Variants in MRPL48 observed in about 807,000 individuals in gnomAD.
MRPL48 encodes large ribosomal subunit protein mL48.
In MRPL48, 16 loss-of-function variants were observed where a neutral mutation model predicts 32.9. The observed-to-expected ratio is 0.49, with a 90% CI of 0.33 to 0.74. MRPL48 has a LOEUF of 0.74. Among genes scored for constraint, MRPL48 ranks in the 30% least tolerant of loss-of-function variants. The pLI is 0.02. For synonymous variants in MRPL48, 94 were observed against 89.2 expected, an observed-to-expected ratio of 1.05 and a Z score of -0.31; for missense variants, 206 against 245.3, an observed-to-expected ratio of 0.84 and a Z score of 1.07.
At chr11:73,852,050 A>T (rs1389115133) in intron 5 of MRPL48, among the ~76,000 whole-genome samples, 1 of 152,208 alleles carries the variant, frequency 6.6e-6, no homozygotes, top group Non-Finnish European at 1.5e-5. Context: ...GTAACATAGT[A>T]ATTTAGAGTA....
chr11:73,860,271 C>T, intron 6 of MRPL48: 1 of 270,278 alleles, frequency 3.7e-6, no homozygotes, highest in East Asian at 7.5e-5. Context: ...TTGGCTGAGG[C>T]TTGAAACTTG....
chr11:73,808,626 T>C (rs1027277792), intron 3 of MRPL48, among the ~76,000 whole-genome samples: 13 of 152,036 alleles, frequency 8.6e-5, no homozygotes, highest in African/African-American at 3.1e-4. Flanking sequence ...CCTTAAAAAA[T>C]GAGCAGGCTG....
At position 73,787,999 on chromosome 11, in the gene MRPL48, T is replaced by C. The variant is rs768184170; in HGVS notation, c.21+7T>C. The C allele has an allele frequency of 1.2e-5, 19 of 1,568,832 alleles. No homozygotes were observed. The highest frequency in any genetic ancestry group is 3.1e-5 in the African/African-American group (2 of 65,504). ...GAGCGGAACCTTGGAAAAGGTAACG[T>C]AGATTCCACGCACGCGGGGCGCGGG... On this transcript the variant is annotated splice_region_variant and intron_variant, in intron 1 of 7. Transcript: ENST00000310614.
Position 73,857,124 on chromosome 11 carries a change from T to C in MRPL48, c.372-2783T>C, listed in dbSNP as rs189231663. Among the ~76,000 whole-genome samples, 172 of 150,370 alleles carry C rather than the reference T, an allele frequency of 1.1e-3. 1 individual carries two copies. The highest frequency in any genetic ancestry group is 4.0e-3 in the African/African-American group (165 of 41,140). ...TTTAAAACACTCACAGTGAGCTCCT[T>C]GAAAGCATAGACCTTTTTTTTTTTG... On this transcript the variant is annotated intron_variant, in intron 5 of 7. Transcript: ENST00000310614.
chr11:73,833,593 T>A (rs897999362), intron 4 of MRPL48, among the ~76,000 whole-genome samples: 5 of 152,218 alleles, frequency 3.3e-5, no homozygotes. Context: ...TAGAATTTTC[T>A]AAATTTCACA....
chr11:73,850,525 G>T (rs1175613752), intron 5 of MRPL48: 2 of 383,042 alleles, frequency 5.2e-6, no homozygotes, highest in African/African-American at 2.2e-5. Flanking sequence ...TCCAGCCTTT[G>T]TCTTTTACTA....
chr11:73,821,700 C>T (rs1947786238), intron 3 of MRPL48, among the ~76,000 whole-genome samples: 1 of 152,134 alleles, frequency 6.6e-6, no homozygotes, highest in African/African-American at 2.4e-5. Context: ...ATATTAGTGT[C>T]TGTCTTCCTA....
At chr11:73,845,597 A>T (rs944622943) in intron 5 of MRPL48, among the ~76,000 whole-genome samples, 2 of 151,928 alleles carry the variant, frequency 1.3e-5, no homozygotes, top group African/African-American at 4.8e-5. Flanking sequence ...ACATAGCGAG[A>T]CCTCGTCTCT....
At chr11:73,847,320 T>G (rs191956577) in intron 5 of MRPL48, among the ~76,000 whole-genome samples, 8 of 152,332 alleles carry the variant, frequency 5.3e-5, no homozygotes, top group Non-Finnish European at 1.0e-4. Context: ...TCTTTTCATG[T>G]GCTTATTTGT....
intron 4 of MRPL48, among the ~76,000 whole-genome samples, chr11:73,833,761 A>G (rs11235924): frequency 0.059 from 8,985 of 152,070 alleles, 400 homozygotes; most frequent in East Asian, 0.19. Context: ...TGTACCCTCA[A>G]CCTCTCAGGC....
intron 5 of MRPL48, among the ~76,000 whole-genome samples, chr11:73,855,174 T>G (rs1948464386): frequency 6.6e-6 from 1 of 152,070 alleles, no homozygotes; most frequent in Non-Finnish European, 1.5e-5. Context: ...TAAACCTACT[T>G]TTTTTCCTAA....
intron 1 of MRPL48, among the ~76,000 whole-genome samples, chr11:73,794,218 AT>A (rs1416330392): frequency 1.1e-3 from 165 of 150,580 alleles, no homozygotes; most frequent in Admixed American, 2.5e-3. Context: ...CTATCTATCT[AT>A]CTATCTATCT....
At chr11:73,827,259 C>T (rs960545281) in intron 4 of MRPL48, among the ~76,000 whole-genome samples, 1 of 151,906 alleles carries the variant, frequency 6.6e-6, no homozygotes, top group Admixed American at 6.6e-5. Context: ...TGGCGCGTGC[C>T]TGTAATCCCA....
intron 1 of MRPL48, among the ~76,000 whole-genome samples, chr11:73,791,535 G>A (rs754820461): frequency 1.3e-5 from 2 of 152,048 alleles, no homozygotes; most frequent in Non-Finnish European, 2.9e-5. Context: ...TCTCGCCTTA[G>A]CCTCCTGAGT....
chr11:73,816,436 C>CT (rs201044700), intron 3 of MRPL48, among the ~76,000 whole-genome samples: 3,350 of 144,512 alleles, frequency 0.023, 137 homozygotes, highest in African/African-American at 0.082. Flanking sequence ...TGTTTTAAAG[C>CT]TTTTTGGTTA....
chr11:73,797,082 C>A (rs761512990), intron 1 of MRPL48, among the ~76,000 whole-genome samples: 9 of 152,032 alleles, frequency 5.9e-5, no homozygotes, highest in Non-Finnish European at 1.0e-4. Context: ...AACAAACCAA[C>A]CTTGGGCTCA....
At chr11:73,788,128 T>C (rs1404655537) in intron 1 of MRPL48, 136 bp downstream of exon 1, 1 of 1,314,848 alleles carries the variant, frequency 7.6e-7, no homozygotes, top group African/African-American at 1.5e-5. Context: ...CCCAAGGTCC[T>C]TCCCAGCAGC....
intron 1 of MRPL48, among the ~76,000 whole-genome samples, chr11:73,798,004 A>G (rs1947289261): frequency 6.6e-6 from 1 of 152,216 alleles, no homozygotes; most frequent in Non-Finnish European, 1.5e-5. Flanking sequence ...TAAGGACCCA[A>G]TCCAAAGGCA....
intron 1 of MRPL48, among the ~76,000 whole-genome samples, chr11:73,794,235 A>G (rs1008305303): frequency 2.3e-5 from 3 of 132,788 alleles, no homozygotes; most frequent in African/African-American, 8.0e-5. Context: ...TATCTAAACT[A>G]TCTGTCTCTG....
Sources: allele counts gnomAD v4.1 joint callset (sites outside exome capture counted in the v4.1 genomes callset), GRCh38; gene constraint gnomAD v4.1.1; transcripts MANE v1.5; gene names NCBI Gene and HGNC (gene_info 2026-07-23, HGNC 2026-07-21).